The following FAM53B variants were observed in gnomAD, a reference collection of about 807,000 sequenced individuals.
FAM53B encodes the protein family with sequence similarity 53 member B.
FAM53B carries 12 observed loss-of-function variants against 32.7 expected under a neutral mutation model. The ratio of observed to expected loss-of-function variants is 0.37; its 90% CI spans 0.24 to 0.59. FAM53B has a LOEUF of 0.59. Among genes scored for constraint, FAM53B ranks in the 20% least tolerant of loss-of-function variants. The pLI, the probability that FAM53B is intolerant of heterozygous loss-of-function variation, is 0.72. For synonymous variants in FAM53B, 234 were observed against 228.7 expected (o/e 1.02, Z -0.21); for missense variants, 477 against 577.7 (o/e 0.83, Z 1.79).
At chr10:124,704,110 C>T (rs979677887) in intron 2 of FAM53B, 4 of 152,340 alleles carry the variant, frequency 2.6e-5, no homozygotes, top group African/African-American at 4.8e-5. Flanking sequence ...TAGGGCTCCT[C>T]CCTCGGGACC....
Position 124,658,125 on chromosome 10 carries a change from C to T in FAM53B, c.906+23482G>A, listed in dbSNP as rs7093082. Among the ~76,000 whole-genome samples, 329 of 152,342 alleles carry T rather than the reference C, an allele frequency of 2.2e-3. 3 individuals carry two copies. The highest frequency in any genetic ancestry group is 7.8e-3 in the African/African-American group (326 of 41,570). ...AACCAGGTCAGTTCCCAGGCTCACCCAGCAGACAGTCTGGGGCAGAGACAG... is the reference window on the plus strand; with the variant it reads ...AACCAGGTCAGTTCCCAGGCTCACCTAGCAGACAGTCTGGGGCAGAGACAG... On this transcript the variant is annotated intron_variant, in intron 4 of 4. Transcript: ENST00000337318.
intron 4 of FAM53B, among the ~76,000 whole-genome samples, chr10:124,627,186 A>G (rs563467528): frequency 6.6e-5 from 10 of 152,268 alleles, no homozygotes; most frequent in Admixed American, 6.5e-4. Flanking sequence ...GACTGCCACA[A>G]TGGGGCGGTG....
At chr10:124,717,225 G>A (rs1950043007) in intron 1 of FAM53B, among the ~76,000 whole-genome samples, 1 of 152,114 alleles carries the variant, frequency 6.6e-6, no homozygotes, top group Non-Finnish European at 1.5e-5. Context: ...AGGATGCTGG[G>A]CCAGATAAGC....
chr10:124,743,804 G>A (rs1313741333), intron 1 of FAM53B, among the ~76,000 whole-genome samples: 1 of 151,946 alleles, frequency 6.6e-6, no homozygotes, highest in Non-Finnish European at 1.5e-5. Context: ...CCGAGCGCCC[G>A]GAGAAACCGC....
chr10:124,635,588 A>C (rs1949424604), intron 4 of FAM53B, among the ~76,000 whole-genome samples: 1 of 152,208 alleles, frequency 6.6e-6, no homozygotes, highest in African/African-American at 2.4e-5. Context: ...ACCACCCTGA[A>C]CGTGGCCCTC....
At chr10:124,673,497 C>A (rs1342020087) in intron 4 of FAM53B, among the ~76,000 whole-genome samples, 2 of 152,194 alleles carry the variant, frequency 1.3e-5, no homozygotes, top group African/African-American at 4.8e-5. Context: ...CATAAGTTAA[C>A]CCCGAGCCCT....
rs376727698 is a variant in FAM53B at position 124,635,371 on chromosome 10, G to A, written c.907-11767C>T. ...CAAAGTGCTGGGATTACAGGTGTGA[G>A]CCACCACGCTCGGCCGACACAATTA... On this transcript the variant is annotated intron_variant, in intron 4 of 4. Transcript: ENST00000337318. Among the ~76,000 whole-genome samples, 8 of 152,210 alleles carry A rather than the reference G, an allele frequency of 5.3e-5. No homozygotes were observed. The East Asian group carries it at 1.3e-3, about 26-fold the overall frequency.
At chr10:124,725,410 CTA>C (rs35736179) in intron 1 of FAM53B, among the ~76,000 whole-genome samples, 31,340 of 152,150 alleles carry the variant, frequency 0.21, 3,634 homozygotes, top group Non-Finnish European at 0.26. Flanking sequence ...GTTAAGCACT[CTA>C]TTTCCCACCA....
intron 4 of FAM53B, among the ~76,000 whole-genome samples, chr10:124,658,066 G>A (rs1205195043): frequency 1.3e-5 from 2 of 152,204 alleles, no homozygotes; most frequent in Non-Finnish European, 2.9e-5. Context: ...CAGCATCTTG[G>A]TTGTGACTGG....
chr10:124,660,365 T>A (rs756985770), intron 4 of FAM53B, among the ~76,000 whole-genome samples: 1 of 152,240 alleles, frequency 6.6e-6, no homozygotes, highest in Non-Finnish European at 1.5e-5. Flanking sequence ...GCAACCCAGC[T>A]GGTACGTCCA....
intron 3 of FAM53B, among the ~76,000 whole-genome samples, chr10:124,690,375 G>A (rs959406710): frequency 6.6e-6 from 1 of 152,236 alleles, no homozygotes; most frequent in African/African-American, 2.4e-5. Flanking sequence ...AAATGACAGA[G>A]CCCAGACGTC....
intron 1 of FAM53B, among the ~76,000 whole-genome samples, chr10:124,720,317 T>G (rs1950061791): frequency 1.3e-5 from 2 of 151,548 alleles, no homozygotes; most frequent in Non-Finnish European, 2.9e-5. Context: ...AAAAAATAAA[T>G]TAGCCAGGCA....
chr10:124,634,937 A>G (rs1009080820), intron 4 of FAM53B, among the ~76,000 whole-genome samples: 1 of 152,264 alleles, frequency 6.6e-6, no homozygotes, highest in Non-Finnish European at 1.5e-5. Context: ...TATATGAATT[A>G]TATCTCAATA....
chr10:124,693,216 A>T (rs1949846912), intron 3 of FAM53B, among the ~76,000 whole-genome samples: 1 of 152,060 alleles, frequency 6.6e-6, no homozygotes, highest in Non-Finnish European at 1.5e-5. Flanking sequence ...TCACGCCTGT[A>T]ATCCCAGCAC....
chr10:124,667,310 G>A, intron 4 of FAM53B: 1 of 675,514 alleles, frequency 1.5e-6, no homozygotes, highest in South Asian at 1.6e-5. Flanking sequence ...TGGCTACTAG[G>A]AATTTTAAAT....
intron 1 of FAM53B, among the ~76,000 whole-genome samples, chr10:124,738,351 G>A (rs1312968116): frequency 6.6e-6 from 1 of 151,898 alleles, no homozygotes; most frequent in Non-Finnish European, 1.5e-5. Flanking sequence ...ATGCAGCCTG[G>A]GCATCTGGAT....
At chr10:124,704,278 A>G (rs1358449715) in intron 2 of FAM53B, 1 of 152,292 alleles carries the variant, frequency 6.6e-6, no homozygotes, top group Non-Finnish European at 1.5e-5. Flanking sequence ...TCATCCATCC[A>G]CAAACATCCA....
intron 4 of FAM53B, chr10:124,671,112 G>T: frequency 2.2e-6 from 1 of 446,364 alleles, no homozygotes; most frequent in Non-Finnish European, 4.6e-6. Context: ...ACATCTCCCC[G>T]TCTGCTTCCT....
At chr10:124,706,252 C>T (rs1949957054) in intron 2 of FAM53B, among the ~76,000 whole-genome samples, 1 of 152,194 alleles carries the variant, frequency 6.6e-6, no homozygotes, top group Non-Finnish European at 1.5e-5. Context: ...CACCACCCTT[C>T]AGAGGGACAG....
Sources: gnomAD v4.1 joint callset for allele counts (sites outside exome capture counted in the v4.1 genomes callset) on GRCh38, gnomAD v4.1.1 for gene constraint, MANE v1.5 for transcripts, NCBI Gene and HGNC (gene_info 2026-07-23, HGNC 2026-07-21) for gene names.